DPT: variants seen among roughly 807,000 people sequenced by gnomAD.
DPT encodes tyrosine-rich acidic matrix protein.
In DPT, 21 loss-of-function variants were observed where a neutral mutation model predicts 31.2. That is an observed-to-expected ratio of 0.67 (90% CI 0.48 to 0.97). The LOEUF (loss-of-function observed/expected upper bound fraction) is 0.97, where lower values mean the gene tolerates loss of function less well. Among genes scored for constraint, DPT ranks in the 50% least tolerant of loss-of-function variants. DPT has a pLI of 0.00. For missense variants in DPT, 262 were observed against 258.8 expected (o/e 1.01, Z -0.08); for synonymous variants, 91 against 86.9 (o/e 1.05, Z -0.26).
chr1:168,713,300 C>A (rs2101906208), intron 2 of DPT, among the ~76,000 whole-genome samples: 1 of 152,336 alleles, frequency 6.6e-6, no homozygotes, highest in African/African-American at 2.4e-5. Context: ...TCGGTCCTTA[C>A]TTTAAAAAGA....
chr1:168,720,292 G>A (rs577151057), intron 1 of DPT, among the ~76,000 whole-genome samples: 35 of 152,242 alleles, frequency 2.3e-4, no homozygotes, highest in Admixed American at 2.0e-3. Flanking sequence ...AAATCTCTTC[G>A]AGATGGTCCC....
intron 3 of DPT, among the ~76,000 whole-genome samples, chr1:168,699,681 A>G (rs1052686934): frequency 1.3e-5 from 2 of 151,892 alleles, no homozygotes; most frequent in Non-Finnish European, 2.9e-5. Context: ...ACAGACACAC[A>G]CCAAAGATGT....
intron 2 of DPT, among the ~76,000 whole-genome samples, chr1:168,708,219 T>A (rs1301993801): frequency 6.6e-5 from 10 of 152,234 alleles, no homozygotes; most frequent in Non-Finnish European, 1.0e-4. Context: ...TTTCTGAATA[T>A]TTTTGATTCA....
rs201831376 is a variant in DPT, at chr1:168,722,586, G to A, written c.305+6284C>T. On this transcript the variant is annotated intron_variant, in intron 1 of 3. Transcript: ENST00000367817. ...GTTCAAATAATGAGCTTCTCACCAC[G>A]ATCACCATTTTACGTATAAGGAAAC... Among the ~76,000 whole-genome samples the A allele has an allele frequency of 1.3e-4, 20 of 152,212 alleles. No homozygotes were observed. In the East Asian group the frequency reaches 3.1e-3, roughly 24 times the overall value.
chr1:168,722,314 A>C (rs1650134050), intron 1 of DPT, among the ~76,000 whole-genome samples: 1 of 152,220 alleles, frequency 6.6e-6, no homozygotes, highest in African/African-American at 2.4e-5. Context: ...CTGTGATTAA[A>C]TTATATGTTC....
At chr1:168,719,764 C>T (rs1379359153) in intron 1 of DPT, among the ~76,000 whole-genome samples, 1 of 150,518 alleles carries the variant, frequency 6.6e-6, no homozygotes, top group Non-Finnish European at 1.5e-5. Context: ...ACCTTACTTA[C>T]AAGACTCTCC....
intron 1 of DPT, among the ~76,000 whole-genome samples, chr1:168,722,046 G>GA (rs939722795): frequency 6.6e-6 from 1 of 152,024 alleles, no homozygotes; most frequent in African/African-American, 2.4e-5. Flanking sequence ...GGTTTTTTTG[G>GA]AAAAATACAG....
intron 1 of DPT, among the ~76,000 whole-genome samples, chr1:168,719,236 G>T (rs1002449800): frequency 1.3e-5 from 2 of 152,060 alleles, no homozygotes; most frequent in Admixed American, 1.3e-4. Flanking sequence ...TCTTGCTTCC[G>T]TTCTCTCCCT....
chr1:168,728,218 A>G (rs1650291999), intron 1 of DPT, among the ~76,000 whole-genome samples: 1 of 152,158 alleles, frequency 6.6e-6, no homozygotes, highest in African/African-American at 2.4e-5. Context: ...CAGCAATAAA[A>G]CCCACTTTAA....
At chr1:168,713,338 T>G (rs1649907120) in intron 2 of DPT, among the ~76,000 whole-genome samples, 1 of 152,204 alleles carries the variant, frequency 6.6e-6, no homozygotes, top group African/African-American at 2.4e-5. Context: ...GGGCTTTGTA[T>G]CCCTAGAGAT....
At chr1:168,716,044 C>G (rs552669552) in intron 1 of DPT, among the ~76,000 whole-genome samples, 2 of 152,296 alleles carry the variant, frequency 1.3e-5, no homozygotes, top group African/African-American at 4.8e-5. Flanking sequence ...CAAATTGTAA[C>G]ATTATCAACA....
At chr1:168,703,777 G>A (rs1427780313) in intron 2 of DPT, among the ~76,000 whole-genome samples, 2 of 152,188 alleles carry the variant, frequency 1.3e-5, no homozygotes, top group Non-Finnish European at 1.5e-5. Context: ...TACCAAGGGA[G>A]AAATGACCCA....
At chr1:168,722,675 T>C (rs1421134364) in intron 1 of DPT, among the ~76,000 whole-genome samples, 1 of 152,210 alleles carries the variant, frequency 6.6e-6, no homozygotes, top group Non-Finnish European at 1.5e-5. Flanking sequence ...TATTATCTTA[T>C]TTAATTCTCA....
chr1:168,696,570 G>A lies in DPT; in HGVS notation c.585C>T (p.Asp195=). Residue 195 remains aspartate (D), a synonymous_variant, in exon 4 of 4, where the codon GAC becomes GAT. Transcript: ENST00000367817. ...AAATCTAAACATTTGCAAATTCACA[G>A]TCGTATTCAGTCATCCGGCACATTA... ...KFIMCRMTEY[D]CEFANV The A allele has an allele frequency of 6.2e-7, 1 of 1,614,070 alleles. No homozygotes were observed. Among genetic ancestry groups the A allele is most frequent in the Non-Finnish European group, 8.5e-7 (1 of 1,180,002 alleles).
At position 168,709,434 on chromosome 1, in the gene DPT, G is replaced by T. The variant is rs148580344; in HGVS notation, c.431+4787C>A. Among the ~76,000 whole-genome samples the T allele has an allele frequency of 2.5e-3, 388 of 152,256 alleles. 5 individuals are homozygous for T. The highest frequency in any genetic ancestry group is 8.9e-3 in the African/African-American group (369 of 41,538). On this transcript the variant is annotated intron_variant, in intron 2 of 3. Transcript: ENST00000367817. ...ATCCAGTGGAGACCATTTCCTAATG[G>T]CATGTCCACATCTCTCAGGAATTTG...
intron 1 of DPT, among the ~76,000 whole-genome samples, chr1:168,718,275 A>G (rs1322583803): frequency 1.3e-5 from 2 of 152,238 alleles, no homozygotes; most frequent in African/African-American, 2.4e-5. Flanking sequence ...TTCATGGAGT[A>G]CCAGTTCTGA....
chr1:168,707,728 C>T (rs970556717), intron 2 of DPT, among the ~76,000 whole-genome samples: 11 of 152,132 alleles, frequency 7.2e-5, no homozygotes, highest in African/African-American at 2.4e-4. Flanking sequence ...TGAGTTCTCA[C>T]GAGATCTGAT....
chr1:168,725,232 T>TCCTTTCCTTC (rs1650212956), intron 1 of DPT, among the ~76,000 whole-genome samples: 2 of 149,932 alleles, frequency 1.3e-5, no homozygotes, highest in Non-Finnish European at 3.0e-5. Context: ...TCCTTTCCTT[T>TCCTTTCCTTC]CCTTTCCTTT....
chr1:168,726,775 TG>T (rs1195719761), intron 1 of DPT, among the ~76,000 whole-genome samples: 2 of 152,258 alleles, frequency 1.3e-5, no homozygotes, highest in African/African-American at 4.8e-5. Flanking sequence ...CATTAGGCAG[TG>T]GGCCTGGCTG....
Sources: gnomAD v4.1 joint callset for allele counts (sites outside exome capture counted in the v4.1 genomes callset) on GRCh38, gnomAD v4.1.1 for gene constraint, MANE v1.5 for transcripts, NCBI Gene and HGNC (gene_info 2026-07-23, HGNC 2026-07-21) for gene names.